The following MAST2 variants were observed in gnomAD, a reference collection of about 807,000 sequenced individuals.
MAST2 encodes the protein microtubule associated serine/threonine kinase 2, also known as microtubule-associated serine/threonine-protein kinase 2.
In MAST2, 70 loss-of-function variants were observed where a neutral mutation model predicts 147.4. That is an observed-to-expected ratio of 0.47 (90% CI 0.39 to 0.58). The LOEUF (loss-of-function observed/expected upper bound fraction) is 0.58, where lower values mean the gene tolerates loss of function less well. Ranked by LOEUF, MAST2 falls within the 20% of genes least tolerant of loss-of-function variation. MAST2 has a pLI of 0.00. For missense variants in MAST2, 2,080 were observed against 2,302.3 expected (o/e 0.90, Z 1.98); for synonymous variants, 869 against 896.8 (o/e 0.97, Z 0.55).
intron 3 of MAST2, among the ~76,000 whole-genome samples, chr1:45,858,800 A>C (rs775008384): frequency 2.6e-4 from 40 of 151,860 alleles, no homozygotes; most frequent in Non-Finnish European, 5.6e-4. Context: ...ATAAGGTGTA[A>C]GGAAGGGATC....
chr1:45,873,528 C>T (rs2148198060), intron 3 of MAST2, among the ~76,000 whole-genome samples: 1 of 152,136 alleles, frequency 6.6e-6, no homozygotes, highest in South Asian at 2.1e-4. Context: ...AAGTGTCTTA[C>T]TTTAAACTTT....
intron 4 of MAST2, chr1:45,913,749 T>C: frequency 1.9e-6 from 2 of 1,031,746 alleles, no homozygotes; most frequent in Non-Finnish European, 2.3e-6. Flanking sequence ...TTCCTTTGGC[T>C]GACAGAACTG....
intron 2 of MAST2, among the ~76,000 whole-genome samples, chr1:45,825,400 A>C (rs1014955988): frequency 1.8e-4 from 27 of 150,964 alleles, no homozygotes; most frequent in Non-Finnish European, 4.4e-5. Flanking sequence ...GTTTTTCATA[A>C]CATTCTCCTC....
At chr1:45,928,829 C>T (rs1570761898) in intron 4 of MAST2, among the ~76,000 whole-genome samples, 1 of 151,860 alleles carries the variant, frequency 6.6e-6, no homozygotes, top group African/African-American at 2.4e-5. Flanking sequence ...AGGGTGTTCT[C>T]ACCTTTTTTT....
chr1:45,816,217 GAGAA>G lies in MAST2; in HGVS notation c.178-8212_178-8209del, dbSNP rs1021014057. ...ATTGGGGGTGGGGGGGAGAGAGAGA[GAGAA>G]AGAGAGAGAGAGAGAGAGAGAGACC... On this transcript the variant is annotated intron_variant, in intron 1 of 28. Transcript: ENST00000361297. 3.8e-5 allele frequency among the ~76,000 whole-genome samples: 5 copies of G among 131,746 alleles called. 1 individual carries two copies. In the South Asian group the frequency reaches 1.0e-3, roughly 26 times the overall value. 86.4% of individuals were successfully genotyped at this position (131,746 alleles called of 152,430 possible).
At chr1:45,842,642 C>T (rs2147921069) in intron 3 of MAST2, among the ~76,000 whole-genome samples, 1 of 152,264 alleles carries the variant, frequency 6.6e-6, no homozygotes. Flanking sequence ...TTTATTCCTT[C>T]TTTTGGTTGA....
rs79931561 is a variant in MAST2 at position 45,895,766 on chromosome 1, A to C, written c.500+13371A>C. ...TATCATCAAAGAGAGAAACAGGCAA[A>C]TATTACAACCAATTCCATTATCAAT... On this transcript the variant is annotated intron_variant, in intron 4 of 28. Transcript: ENST00000361297. Among the ~76,000 whole-genome samples the C allele has an allele frequency of 6.5e-3, 991 of 152,360 alleles. 11 individuals carry two copies. The highest frequency in any genetic ancestry group is 0.023 in the African/African-American group (948 of 41,580).
At chr1:46,009,840 AAC>A (rs995094152) in intron 9 of MAST2, among the ~76,000 whole-genome samples, 4 of 152,198 alleles carry the variant, frequency 2.6e-5, no homozygotes, top group African/African-American at 9.7e-5. Flanking sequence ...CATTTGCCTA[AAC>A]ACACACTGGA....
chr1:45,829,401 A>G, intron 2 of MAST2, 38 bp from the exon 3 acceptor site: 1 of 1,565,188 alleles, frequency 6.4e-7, no homozygotes, highest in Non-Finnish European at 8.7e-7. Flanking sequence ...TTATCAATAA[A>G]TAATTACATG....
chr1:46,014,716 A>G (rs986732116), intron 10 of MAST2, among the ~76,000 whole-genome samples: 14 of 152,056 alleles, frequency 9.2e-5, no homozygotes, highest in Admixed American at 1.3e-4. Flanking sequence ...ACTCCCACAC[A>G]ATAATAATGG....
intron 4 of MAST2, among the ~76,000 whole-genome samples, chr1:45,947,496 T>C (rs1276466158): frequency 6.6e-6 from 1 of 152,120 alleles, no homozygotes; most frequent in Non-Finnish European, 1.5e-5. Context: ...ATTGTTGTTT[T>C]AAATGCATAG....
intron 4 of MAST2, among the ~76,000 whole-genome samples, chr1:45,943,403 C>CA (rs1445222263): frequency 6.6e-6 from 1 of 152,132 alleles, no homozygotes; most frequent in African/African-American, 2.4e-5. Flanking sequence ...GATTAAAGGC[C>CA]AGATAAAGCC....
chr1:45,886,337 CACACACACACAT>C (rs934421465), intron 4 of MAST2, among the ~76,000 whole-genome samples: 4 of 150,470 alleles, frequency 2.7e-5, no homozygotes, highest in African/African-American at 9.8e-5. Context: ...CACACACACA[CACACACACACAT>C]TTATAGTGAC....
In MAST2 at chr1:46,030,251, A is replaced by C. The variant is rs888237258; in HGVS notation, c.2553+13A>C. 8 of 1,612,482 alleles carry C rather than the reference A, an allele frequency of 5.0e-6. 1 individual carries two copies. Among genetic ancestry groups the C allele is most frequent in the Admixed American group, 1.7e-5 (1 of 59,936 alleles). Reference sequence around the variant, plus strand: ...AAGGTTCAACAAGGTGTGACTGAGGAGGCCCAGAATGGGCAGAACAGGCTG... The same window carrying C: ...AAGGTTCAACAAGGTGTGACTGAGGCGGCCCAGAATGGGCAGAACAGGCTG... On this transcript the variant is annotated intron_variant, in intron 21 of 28. Coordinates refer to ENST00000361297, the MANE Select transcript of MAST2 (RefSeq NM_015112.3).
At chr1:45,854,128 C>T (rs923750664) in intron 3 of MAST2, among the ~76,000 whole-genome samples, 3 of 152,088 alleles carry the variant, frequency 2.0e-5, no homozygotes, top group African/African-American at 7.2e-5. Flanking sequence ...CACCTGAGGT[C>T]AGGAGTTCGA....
At chr1:45,924,161 A>G (rs973486617) in intron 4 of MAST2, among the ~76,000 whole-genome samples, 1 of 151,704 alleles carries the variant, frequency 6.6e-6, no homozygotes, top group African/African-American at 2.4e-5. Flanking sequence ...GAGCCACCAC[A>G]CTCGGCAAAA....
At chr1:45,854,793 A>G (rs1645736908) in intron 3 of MAST2, among the ~76,000 whole-genome samples, 1 of 152,180 alleles carries the variant, frequency 6.6e-6, no homozygotes, top group Non-Finnish European at 1.5e-5. Context: ...TGCCTGGAAT[A>G]AGCATCAGAT....
chr1:46,020,330 G>A (rs549980266), intron 11 of MAST2, among the ~76,000 whole-genome samples: 2 of 152,276 alleles, frequency 1.3e-5, no homozygotes, highest in Admixed American at 6.5e-5. Flanking sequence ...CAGATCGGGA[G>A]CATGGGAAGG....
intron 4 of MAST2, among the ~76,000 whole-genome samples, chr1:45,936,618 T>C (rs1656235161): frequency 6.6e-6 from 1 of 152,182 alleles, no homozygotes; most frequent in African/African-American, 2.4e-5. Context: ...ACCAGCCTTC[T>C]GTGTGTATGC....
Sources: allele counts gnomAD v4.1 joint callset (sites outside exome capture counted in the v4.1 genomes callset), GRCh38; gene constraint gnomAD v4.1.1; transcripts MANE v1.5; gene names NCBI Gene and HGNC (gene_info 2026-07-23, HGNC 2026-07-21).